EDIL3: variants seen among roughly 807,000 people sequenced by gnomAD.
The protein encoded by EDIL3 is EGF-like repeat and discoidin I-like domain-containing protein 3.
EDIL3 carries 37 observed loss-of-function variants against 67.4 expected under a neutral mutation model. The observed-to-expected ratio is 0.55, with a 90% CI of 0.42 to 0.72. EDIL3 has a LOEUF of 0.72. Ranked by LOEUF, EDIL3 falls within the 30% of genes least tolerant of loss-of-function variation. The probability of loss-of-function intolerance (pLI) is 0.00; values close to 1 mark genes in which losing one functional copy is unlikely to be tolerated. For synonymous variants in EDIL3, 195 were observed against 196.3 expected (o/e 0.99, Z 0.05); for missense variants, 527 against 586.3 (o/e 0.90, Z 1.04).
chr5:83,985,503 G>A (rs1255219816), intron 9 of EDIL3, among the ~76,000 whole-genome samples: 1 of 152,068 alleles, frequency 6.6e-6, no homozygotes, highest in Admixed American at 6.6e-5. Flanking sequence ...TTGGAAAGCT[G>A]TGGGAAATGG....
At chr5:84,310,644 A>G (rs1166095554) in intron 1 of EDIL3, among the ~76,000 whole-genome samples, 2 of 152,066 alleles carry the variant, frequency 1.3e-5, no homozygotes, top group Non-Finnish European at 2.9e-5. Flanking sequence ...TTATACAAAT[A>G]TTTGCTGTGT....
chr5:84,064,638 C>A, intron 8 of EDIL3, 62 bp downstream of exon 8: 1 of 1,527,916 alleles, frequency 6.5e-7, no homozygotes, highest in Non-Finnish European at 8.8e-7. Flanking sequence ...TAACAGGCTA[C>A]ATACAAATAT....
chr5:84,026,401 TTTC>T (rs1271819400), intron 9 of EDIL3, among the ~76,000 whole-genome samples: 3 of 152,228 alleles, frequency 2.0e-5, no homozygotes, highest in Non-Finnish European at 2.9e-5. Flanking sequence ...TGTTTCCATC[TTTC>T]TTTTTTATCT....
intron 10 of EDIL3, among the ~76,000 whole-genome samples, chr5:83,960,410 G>A (rs1253957032): frequency 6.6e-6 from 1 of 150,736 alleles, no homozygotes; most frequent in Non-Finnish European, 1.5e-5. Context: ...TATTTATTTT[G>A]GTTCGATGTT....
intron 3 of EDIL3, among the ~76,000 whole-genome samples, chr5:84,227,848 C>T (rs186605594): frequency 2.1e-4 from 32 of 152,176 alleles, no homozygotes; most frequent in African/African-American, 7.5e-4. Context: ...CACATTCTCA[C>T]TTACAAGTGG....
At chr5:84,318,063 C>T (rs1746551931) in intron 1 of EDIL3, among the ~76,000 whole-genome samples, 1 of 152,006 alleles carries the variant, frequency 6.6e-6, no homozygotes, top group Non-Finnish European at 1.5e-5. Flanking sequence ...TTCACAATTG[C>T]TATTAAGAGA....
At chr5:84,137,189 A>ACG (rs1748107997) in intron 5 of EDIL3, 52 bp downstream of exon 5, 1 of 1,041,988 alleles carries the variant, frequency 9.6e-7, no homozygotes, top group African/African-American at 2.4e-5. Context: ...ATACATACAC[A>ACG]CACACACACA....
chr5:84,304,329 C>T (rs1230076494), intron 1 of EDIL3, among the ~76,000 whole-genome samples: 1 of 152,160 alleles, frequency 6.6e-6, no homozygotes, highest in Non-Finnish European at 1.5e-5. Context: ...GGGTTTTCAA[C>T]TCAAAGTCAC....
At chr5:84,137,778 A>T (rs1344973751) in intron 4 of EDIL3, among the ~76,000 whole-genome samples, 1 of 152,212 alleles carries the variant, frequency 6.6e-6, no homozygotes, top group Non-Finnish European at 1.5e-5. Flanking sequence ...ATTCATTACA[A>T]TTCTAACTGA....
chr5:83,990,889 A>C (rs1472194888), intron 9 of EDIL3, among the ~76,000 whole-genome samples: 1 of 146,212 alleles, frequency 6.8e-6, no homozygotes, highest in Non-Finnish European at 1.5e-5. Flanking sequence ...CAATAAATAA[A>C]TAAATAAATA....
chr5:84,190,585 A>G (rs201131818), intron 3 of EDIL3, among the ~76,000 whole-genome samples: 15,274 of 53,352 alleles, frequency 0.29, 1,139 homozygotes, highest in African/African-American at 0.46. Flanking sequence ...GTGTGTATAT[A>G]TATATATATA....
At chr5:84,014,079 GGAT>G (rs1359826760) in intron 9 of EDIL3, among the ~76,000 whole-genome samples, 1 of 152,092 alleles carries the variant, frequency 6.6e-6, no homozygotes, top group Non-Finnish European at 1.5e-5. Context: ...CTCCTATGTA[GGAT>G]GATATTAATG....
intron 1 of EDIL3, among the ~76,000 whole-genome samples, chr5:84,273,117 T>C (rs765592023): frequency 6.6e-5 from 10 of 152,262 alleles, no homozygotes; most frequent in Middle Eastern, 3.4e-3. Context: ...AACCCCATGA[T>C]ATCCAGAAGA....
At chr5:83,985,683 T>C (rs1442217183) in intron 9 of EDIL3, among the ~76,000 whole-genome samples, 1 of 152,040 alleles carries the variant, frequency 6.6e-6, no homozygotes. Flanking sequence ...TGAACTCTCT[T>C]GTTGATTGTT....
chr5:84,261,912 G>A (rs1745228654), intron 1 of EDIL3, among the ~76,000 whole-genome samples: 1 of 152,018 alleles, frequency 6.6e-6, no homozygotes, highest in African/African-American at 2.4e-5. Context: ...GGGTATATTG[G>A]GCTGAAGAAA....
At chr5:84,239,991 G>A (rs1561231645) in intron 2 of EDIL3, among the ~76,000 whole-genome samples, 1 of 152,088 alleles carries the variant, frequency 6.6e-6, no homozygotes, top group African/African-American at 2.4e-5. Flanking sequence ...AGTTGTAGAT[G>A]TTTCTCCTGG....
At chr5:84,317,096 G>A (rs528245324) in intron 1 of EDIL3, among the ~76,000 whole-genome samples, 64 of 152,258 alleles carry the variant, frequency 4.2e-4, no homozygotes, top group Non-Finnish European at 5.6e-4. Flanking sequence ...GAATCTCTGG[G>A]ACACCTTTAA....
chr5:84,101,734 C>T (rs12187039), intron 6 of EDIL3, among the ~76,000 whole-genome samples: 56,152 of 149,136 alleles, frequency 0.38, 10,671 homozygotes, highest in Non-Finnish European at 0.4. Flanking sequence ...TGAATTCTAC[C>T]AGATATACAA....
At chr5:84,019,736 A>G (rs924070214) in intron 9 of EDIL3, among the ~76,000 whole-genome samples, 4 of 152,046 alleles carry the variant, frequency 2.6e-5, no homozygotes, top group Non-Finnish European at 4.4e-5. Context: ...TTGGGCTTTG[A>G]TATAATTTGC....
Sources: gnomAD v4.1 joint callset for allele counts (sites outside exome capture counted in the v4.1 genomes callset) on GRCh38, gnomAD v4.1.1 for gene constraint, MANE v1.5 for transcripts, NCBI Gene and HGNC (gene_info 2026-07-23, HGNC 2026-07-21) for gene names.